Variants in CEACAM21 observed in about 807,000 individuals in gnomAD.
CEACAM21 encodes the protein CEA cell adhesion molecule 21, also known as cell adhesion molecule CEACAM21.
Under a neutral mutation model 33.2 loss-of-function variants are expected in CEACAM21, and 38 were observed. That is an observed-to-expected ratio of 1.14 (90% CI 0.88 to 1.50). CEACAM21 has a LOEUF of 1.50. CEACAM21 is among the 40% of genes most tolerant of loss of function. The pLI, the probability that CEACAM21 is intolerant of heterozygous loss-of-function variation, is 0.00. For missense variants in CEACAM21, 385 were observed against 364.6 expected (o/e 1.06, Z -0.46); for synonymous variants, 156 against 143.0 (o/e 1.09, Z -0.65).
In CEACAM21 at chr19:41,557,520, T is replaced by C. The variant is rs114146802; in HGVS notation, c.-778-7162T>C. Reference sequence around the variant, plus strand: ...TATCAGCATGTGAGGACCAGAGCTGTGAACTCAACGCTGTCAATCGACAGC... The same window carrying C: ...TATCAGCATGTGAGGACCAGAGCTGCGAACTCAACGCTGTCAATCGACAGC... On this transcript the variant is annotated intron_variant, in intron 1 of 7. Transcript: ENST00000407170. Among the ~76,000 whole-genome samples the C allele has an allele frequency of 4.6e-3, 702 of 152,302 alleles. 5 individuals carry two copies. The highest frequency in any genetic ancestry group is 0.016 in the African/African-American group (674 of 41,558).
At position 41,553,444 on chromosome 19, in the gene CEACAM21, C is replaced by G. The variant is rs371850472; in HGVS notation, c.-779+3892C>G. Among the ~76,000 whole-genome samples, 287 of 152,138 alleles carry G rather than the reference C, an allele frequency of 1.9e-3. 1 individual carries two copies. Among genetic ancestry groups the G allele is most frequent in the African/African-American group, 6.6e-3 (275 of 41,516 alleles). The stretch of plus-strand genomic sequence containing the variant: ...TACTAAAGACAAATTACGACAGGAC[C>G]AATTTGCTTTATTATGCTTTGCCAC... On this transcript the variant is annotated intron_variant, in intron 1 of 7. Coordinates refer to the CEACAM21 transcript ENST00000407170.
chr19:41,575,106 T>A (rs1555790562), upstream of CEACAM21, among the ~76,000 whole-genome samples: 2 of 152,168 alleles, frequency 1.3e-5, no homozygotes, highest in African/African-American at 4.8e-5. Flanking sequence ...ACGTATATAA[T>A]TCCTTATTAT....
chr19:41,580,937 G>A (rs1450782475), intron 3 of CEACAM21, among the ~76,000 whole-genome samples: 1 of 152,142 alleles, frequency 6.6e-6, no homozygotes, highest in Non-Finnish European at 1.5e-5. Flanking sequence ...GTTGCCTAGG[G>A]GCTGCCAGTC....
chr19:41,562,397 T>C (rs183995455), intron 1 of CEACAM21, among the ~76,000 whole-genome samples: 4 of 149,598 alleles, frequency 2.7e-5, no homozygotes, highest in Admixed American at 2.0e-4. Context: ...AATATGTAAA[T>C]AACACAAAGC....
chr19:41,580,621 G>A (rs1472797700), intron 3 of CEACAM21, among the ~76,000 whole-genome samples: 1 of 152,202 alleles, frequency 6.6e-6, no homozygotes, highest in Non-Finnish European at 1.5e-5. Context: ...AAAGGATGCA[G>A]ATGAAGAGAT....
rs781918877 is a variant in CEACAM21 at position 41,577,579 on chromosome 19, C to T, written c.424+20C>T. 4 of 1,610,804 alleles carry T rather than the reference C, an allele frequency of 2.5e-6. No individual in the cohort carries two copies. In the African/African-American group the frequency reaches 4.0e-5, roughly 16 times the overall value. ...TATACGGTGAGTGATTCCTCCGTGC[C>T]TCTGGGTGTTGGGGGTCAGTTCTGC... is the stretch of plus-strand genomic sequence containing the variant. On this transcript the variant is annotated intron_variant, in intron 2 of 6. Coordinates refer to ENST00000401445, the MANE Select transcript of CEACAM21 (RefSeq NM_001098506.4).
At chr19:41,571,041 G>A (rs1356064987) in intron 2 of CEACAM21, among the ~76,000 whole-genome samples, 1 of 152,114 alleles carries the variant, frequency 6.6e-6, no homozygotes, top group Non-Finnish European at 1.5e-5. Context: ...GGTCAAACTG[G>A]TGGGGCTCTG....
chr19:41,581,243 G>A (rs571452416), intron 3 of CEACAM21, among the ~76,000 whole-genome samples: 1 of 152,380 alleles, frequency 6.6e-6, no homozygotes, highest in East Asian at 1.9e-4. Flanking sequence ...ACAATAGCAT[G>A]AGCAATCTGC....
At chr19:41,561,660 A>C (rs10421785) in intron 1 of CEACAM21, among the ~76,000 whole-genome samples, 14,396 of 152,244 alleles carry the variant, frequency 0.095, 1,331 homozygotes, top group East Asian at 0.34. Context: ...CTGCACATCA[A>C]GTTGTCTCAT....
upstream of CEACAM21, among the ~76,000 whole-genome samples, chr19:41,572,799 C>A (rs80183588): frequency 5.3e-3 from 806 of 152,302 alleles, 7 homozygotes; most frequent in African/African-American, 0.019. Flanking sequence ...CCACACATGG[C>A]AAGCACTGAG....
At chr19:41,573,913 A>C (rs2042766764), upstream of CEACAM21, among the ~76,000 whole-genome samples, 1 of 152,240 alleles carries the variant, frequency 6.6e-6, no homozygotes, top group Non-Finnish European at 1.5e-5. Context: ...TCTGGAAAAA[A>C]AAATTGGAGG....
chr19:41,566,205 T>A (rs2042256536), intron 2 of CEACAM21, among the ~76,000 whole-genome samples: 1 of 152,184 alleles, frequency 6.6e-6, no homozygotes, highest in South Asian at 2.1e-4. Context: ...TTTGCAAATA[T>A]TTGTTTAGTA....
intron 1 of CEACAM21, among the ~76,000 whole-genome samples, chr19:41,561,969 G>T (rs1600163689): frequency 6.6e-6 from 1 of 152,338 alleles, no homozygotes; most frequent in Admixed American, 6.5e-5. Context: ...ACACAGGCCA[G>T]GTGCTGTGGC....
chr19:41,573,634 C>G (rs373122939), upstream of CEACAM21, among the ~76,000 whole-genome samples: 3 of 152,278 alleles, frequency 2.0e-5, no homozygotes, highest in African/African-American at 7.2e-5. Context: ...AATTGTTTCC[C>G]AAAACAAAAT....
At chr19:41,570,963 G>C (rs1555789349) in intron 2 of CEACAM21, among the ~76,000 whole-genome samples, 2 of 152,066 alleles carry the variant, frequency 1.3e-5, no homozygotes, top group African/African-American at 2.4e-5. Context: ...AGCAGGTGAG[G>C]GGAAGCTTCA....
rs782528150 is a variant in CEACAM21, at chr19:41,577,381, T to C, written c.246T>C (p.Tyr82=). 6 of 1,612,648 alleles carry C rather than the reference T, an allele frequency of 3.7e-6. No homozygotes were observed. The highest frequency in any genetic ancestry group is 1.7e-5 in the Admixed American group (1 of 59,944). ...AGCCCAACCAGCTAATCGCAGCATA[T>C]GTAATAGACACTCACGTTAGGACTC... ...TVEPNQLIAA[Y]VIDTHVRTPG... Residue 82 remains tyrosine (Y), a synonymous_variant, in exon 2 of 7, where the codon TAT becomes TAC. Coordinates refer to ENST00000401445, the MANE Select transcript of CEACAM21 (RefSeq NM_001098506.4).
intron 1 of CEACAM21, among the ~76,000 whole-genome samples, chr19:41,560,403 T>C (rs1555786572): frequency 6.6e-6 from 1 of 152,094 alleles, no homozygotes; most frequent in Non-Finnish European, 1.5e-5. Context: ...CTATTTTTCA[T>C]AGAGATGGGG....
Position 41,579,576 on chromosome 19 carries a change from C to G in CEACAM21, c.648C>G (p.Val216=), listed in dbSNP as rs1357592017. The part of the protein sequence containing the change: ...QEDAGEYQCE[V]SNPVSSNRSD... ...ACGCTGGGGAGTATCAGTGTGAGGT[C>G]TCCAACCCAGTCAGCTCCAACAGGA... Residue 216 remains valine (V), a synonymous_variant, in exon 3 of 7, where the codon GTC becomes GTG. Coordinates refer to ENST00000401445, the MANE Select transcript of CEACAM21 (RefSeq NM_001098506.4). 4 of 1,596,186 alleles carry G rather than the reference C, an allele frequency of 2.5e-6. No individual in the cohort carries two copies. The highest frequency in any genetic ancestry group is 3.4e-6 in the Non-Finnish European group (4 of 1,171,100).
chr19:41,584,403 G>A lies in CEACAM21; in HGVS notation c.757G>A (p.Ala253Thr). 1.2e-6 allele frequency: 2 copies of A among 1,610,824 alleles called. No individual in the cohort carries two copies. The highest frequency in any genetic ancestry group is 1.3e-5 in the African/African-American group (1 of 74,974). Residue 253 changes from alanine to threonine, a missense_variant, in exon 4 of 7, where the codon GCT becomes ACT. By Grantham distance (58) the Ala-to-Thr change is moderately conservative (BLOSUM62 0). Coordinates refer to ENST00000401445, the MANE Select transcript of CEACAM21 (RefSeq NM_001098506.4). ...GGTCCTGGTTGGGAGTCTTCTGGTG[G>A]CTGCACTTGTGTGTTTCCTGCTCCT... is the stretch of plus-strand genomic sequence containing the variant. ...IGVLVGSLLV[A>T]ALVCFLLLRK... is the part of the protein sequence containing the mutation.
Sources: allele counts gnomAD v4.1 joint callset (sites outside exome capture counted in the v4.1 genomes callset), GRCh38; gene constraint gnomAD v4.1.1; transcripts MANE v1.5; gene names NCBI Gene and HGNC (gene_info 2026-07-23, HGNC 2026-07-21).